Variants in RARRES1 observed in about 807,000 individuals in gnomAD.
The protein encoded by RARRES1 is retinoic acid receptor responder protein 1.
Under a neutral mutation model 30.6 loss-of-function variants are expected in RARRES1, and 34 were observed. That is an observed-to-expected ratio of 1.11 (90% confidence interval 0.84 to 1.48). RARRES1 has a LOEUF of 1.48. RARRES1 is among the 40% of genes most tolerant of loss of function. The pLI, the probability that RARRES1 is intolerant of heterozygous loss-of-function variation, is 0.00. For missense variants in RARRES1, 373 were observed against 386.5 expected (o/e 0.97, Z 0.29); for synonymous variants, 153 against 155.5 (o/e 0.98, Z 0.12).
intron 1 of RARRES1, among the ~76,000 whole-genome samples, chr3:158,730,604 TTTTTA>T (rs1157377278): frequency 5.3e-5 from 8 of 151,044 alleles, no homozygotes; most frequent in African/African-American, 1.7e-4. Flanking sequence ...GGCTAATTTT[TTTTTA>T]ATTTTTAATT....
chr3:158,708,711 C>T (rs1467311056), intron 3 of RARRES1, among the ~76,000 whole-genome samples: 1 of 151,998 alleles, frequency 6.6e-6, no homozygotes, highest in African/African-American at 2.4e-5. Flanking sequence ...GTTGCCCAGG[C>T]TGGAGTGCAG....
intron 1 of RARRES1, among the ~76,000 whole-genome samples, chr3:158,719,546 A>C (rs1449811999): frequency 1.3e-5 from 2 of 152,182 alleles, no homozygotes; most frequent in African/African-American, 4.8e-5. Context: ...TGTTGGGATT[A>C]CAGGCTTGAG....
In RARRES1 at chr3:158,710,853, G is replaced by A. The variant is rs2307064; in HGVS notation, c.420C>T (p.Thr140=). The change falls in exon 3 of 6, where the codon ACC becomes ACT. Residue 140 remains threonine, a synonymous_variant. Transcript: ENST00000237696. ...VFFKNQKPRP[T]INVTCTRLIE... ...TGAGCCGTGTACAAGTTACATTGAT[G>A]GTTGGTCTGGGTTTCTGATTCTTGA... is the stretch of plus-strand genomic sequence containing the variant. 349,422 of 1,612,814 alleles carry A rather than the reference G, an allele frequency of 0.22. 39,073 individuals carry two copies. Among genetic ancestry groups the A allele is most frequent in the Non-Finnish European group, 0.24 (277,333 of 1,179,084 alleles).
At chr3:158,726,985 C>T (rs540389826) in intron 1 of RARRES1, among the ~76,000 whole-genome samples, 2 of 152,246 alleles carry the variant, frequency 1.3e-5, no homozygotes, top group South Asian at 4.1e-4. Context: ...TGGCAGCTCC[C>T]CACTTGCTCT....
intron 3 of RARRES1, among the ~76,000 whole-genome samples, chr3:158,710,206 GTTTTTTTTT>G (rs34073811): frequency 1.5e-5 from 2 of 134,422 alleles, no homozygotes; most frequent in Non-Finnish European, 3.2e-5. Flanking sequence ...AAAATGAGGA[GTTTTTTTTT>G]TTTTTTTTGG....
rs1727929320 is a variant in RARRES1 at position 158,732,249 on chromosome 3, C to A, written c.167G>T (p.Arg56Leu). 1 of 1,381,532 alleles carries A rather than the reference C, an allele frequency of 7.2e-7. No homozygotes were observed. The highest frequency in any genetic ancestry group is 1.7e-5 in the South Asian group (1 of 58,716). 85.6% of individuals were successfully genotyped at this position (1,381,532 alleles called of 1,614,324 possible). A position where few individuals can be genotyped will look rare whatever the true frequency, so the allele number is the denominator to read the frequency against. Residue 56 changes from arginine (R) to leucine (L), a missense_variant, in exon 1 of 6, where the codon CGC becomes CTC. By Grantham distance (102) the Arg-to-Leu change is moderately radical. Transcript: ENST00000237696. ...PGQPQDAGVP[R>L]RLLQQAARAA... ...GCGCGCCGCCTGCTGCAGGAGCCTG[C>A]GCGGGACCCCAGCATCCTGAGGCTG...
intron 1 of RARRES1, among the ~76,000 whole-genome samples, chr3:158,730,365 C>CCCCCTCCTTCCT (rs1553746330): frequency 8.3e-6 from 1 of 120,240 alleles, no homozygotes; most frequent in Non-Finnish European, 1.7e-5. Context: ...GAATAGGTTG[C>CCCCCTCCTTCCT]TCCTTCCTTC....
chr3:158,702,687 G>A (rs7640040), intron 4 of RARRES1, among the ~76,000 whole-genome samples: 61,882 of 151,936 alleles, frequency 0.41, 13,551 homozygotes, highest in African/African-American at 0.57. Flanking sequence ...TTAAAATCAG[G>A]TACAGTAAAA....
At chr3:158,704,427 TTGCTA>T (rs1726844130) in intron 4 of RARRES1, among the ~76,000 whole-genome samples, 1 of 152,032 alleles carries the variant, frequency 6.6e-6, no homozygotes, top group Non-Finnish European at 1.5e-5. Flanking sequence ...AGATAGGGCC[TTGCTA>T]TGCTACCCAG....
At chr3:158,700,508 GT>G (rs756390998) in intron 4 of RARRES1, among the ~76,000 whole-genome samples, 5 of 152,024 alleles carry the variant, frequency 3.3e-5, no homozygotes, top group Non-Finnish European at 7.4e-5. Flanking sequence ...CCTCAATAAA[GT>G]TATCGAAACA....
intron 4 of RARRES1, among the ~76,000 whole-genome samples, chr3:158,704,210 C>CTTTTTTT (rs78169321): frequency 2.4e-5 from 2 of 82,808 alleles, no homozygotes; most frequent in African/African-American, 4.3e-5. Flanking sequence ...TATTGCAATA[C>CTTTTTTT]TTTTTTTTTT....
chr3:158,721,455 G>A (rs1307430860), intron 1 of RARRES1, among the ~76,000 whole-genome samples: 1 of 152,128 alleles, frequency 6.6e-6, no homozygotes, highest in Non-Finnish European at 1.5e-5. Context: ...GTTGGTCCAG[G>A]GACCACACTT....
intron 1 of RARRES1, among the ~76,000 whole-genome samples, chr3:158,717,964 C>T (rs1271767871): frequency 6.7e-6 from 1 of 148,206 alleles, no homozygotes; most frequent in Admixed American, 7.0e-5. Flanking sequence ...CACTAGAATA[C>T]ATTTTATATT....
rs1185345081 is a variant in RARRES1 at position 158,732,231 on chromosome 3, G to A, written c.185C>T (p.Ala62Val). ...AGVPRRLLQQ[A>V]ARAALHFFNF... is the part of the protein sequence containing the mutation. ...GAAGAAGTGAAGCGCCGCGCGCGCC[G>A]CCTGCTGCAGGAGCCTGCGCGGGAC... The change falls in exon 1 of 6, where the codon GCG (alanine) becomes GTG (valine). Residue 62 changes from alanine (A) to valine (V), a missense_variant. Ala to Val is a moderately conservative substitution (Grantham distance 64). Coordinates refer to ENST00000237696, the MANE Select transcript of RARRES1 (RefSeq NM_206963.2). 6 of 1,398,208 alleles carry A rather than the reference G, an allele frequency of 4.3e-6. No homozygotes were observed. The highest frequency in any genetic ancestry group is 3.2e-5 in the South Asian group (2 of 62,674). The allele number at this position is 1,398,208 out of a possible 1,614,324, so 86.6% of individuals were successfully genotyped here.
At chr3:158,710,263 A>G (rs532233910) in intron 3 of RARRES1, among the ~76,000 whole-genome samples, 1 of 147,468 alleles carries the variant, frequency 6.8e-6, no homozygotes, top group South Asian at 2.1e-4. Flanking sequence ...GCTGGAGTGC[A>G]GTGGCACAGT....
chr3:158,710,341 G>C (rs1296623473), intron 3 of RARRES1, among the ~76,000 whole-genome samples: 2 of 151,818 alleles, frequency 1.3e-5, no homozygotes, highest in Admixed American at 1.3e-4. Flanking sequence ...CTGAGTAGCT[G>C]GGACTACAGG....
chr3:158,717,779 G>T (rs1727372715), intron 1 of RARRES1, among the ~76,000 whole-genome samples: 2 of 152,138 alleles, frequency 1.3e-5, no homozygotes, highest in African/African-American at 4.8e-5. Context: ...GAGCCAAGGT[G>T]AGGACAGTGG....
chr3:158,699,524 G>A (rs183138631), intron 4 of RARRES1, among the ~76,000 whole-genome samples: 5 of 151,502 alleles, frequency 3.3e-5, no homozygotes, highest in Admixed American at 3.3e-4. Flanking sequence ...GGTGAAGTCT[G>A]GAGGGAAGAT....
intron 3 of RARRES1, among the ~76,000 whole-genome samples, chr3:158,708,832 A>G (rs891040532): frequency 2.0e-5 from 3 of 151,822 alleles, no homozygotes; most frequent in Admixed American, 6.6e-5. Context: ...ATGCCTGGCT[A>G]TTTTTCAGTA....
Sources: gnomAD v4.1 joint callset for allele counts (sites outside exome capture counted in the v4.1 genomes callset) on GRCh38, gnomAD v4.1.1 for gene constraint, MANE v1.5 for transcripts, NCBI Gene and HGNC (gene_info 2026-07-23, HGNC 2026-07-21) for gene names.